FAM168B: variants seen among roughly 807,000 people sequenced by gnomAD.
FAM168B encodes myelin-associated neurite-outgrowth inhibitor.
Under a neutral mutation model 21.8 loss-of-function variants are expected in FAM168B, and 19 were observed. The ratio of observed to expected loss-of-function variants is 0.87; its 90% CI spans 0.61 to 1.28. The LOEUF (loss-of-function observed/expected upper bound fraction) is 1.28. Among genes scored for constraint, FAM168B ranks in the 50% most tolerant of loss-of-function variants. The pLI is 0.00. For synonymous variants in FAM168B, 126 were observed against 104.8 expected (o/e 1.20, Z -1.24); for missense variants, 233 against 263.1 (o/e 0.89, Z 0.79).
intron 1 of FAM168B, among the ~76,000 whole-genome samples, chr2:131,090,184 G>C (rs1174240055): frequency 6.8e-6 from 1 of 147,820 alleles, no homozygotes; most frequent in African/African-American, 2.5e-5. Flanking sequence ...ATCCAGGCAC[G>C]GTGGCAGGCG....
intron 1 of FAM168B, among the ~76,000 whole-genome samples, chr2:131,085,586 C>A (rs1450276208): frequency 1.3e-5 from 2 of 152,212 alleles, no homozygotes; most frequent in African/African-American, 4.8e-5. Flanking sequence ...TATTCACAAC[C>A]AAGCAATCCT....
chr2:131,064,269 A>G (rs1558958245), intron 3 of FAM168B, among the ~76,000 whole-genome samples: 1 of 152,048 alleles, frequency 6.6e-6, no homozygotes, highest in East Asian at 1.9e-4. Flanking sequence ...TACCACGCGG[A>G]TTTTTTTATA....
intron 1 of FAM168B, among the ~76,000 whole-genome samples, chr2:131,090,319 CA>C (rs1179969129): frequency 0.29 from 22,078 of 75,272 alleles, 2,156 homozygotes; most frequent in African/African-American, 0.46. Context: ...ACTCTTGTCT[CA>C]AAAAAAAAAA....
chr2:131,048,688 A>G lies in FAM168B; in HGVS notation c.*3777T>C. Reference sequence around the variant, plus strand: ...TATACTCAAGAGTCTGCTGCCCTTCAGAAAGCCAGAGGGAACACTCACAAA... The same window carrying G: ...TATACTCAAGAGTCTGCTGCCCTTCGGAAAGCCAGAGGGAACACTCACAAA... On this transcript the variant is annotated 3_prime_UTR_variant, in exon 7 of 7. Coordinates refer to ENST00000389915, the MANE Select transcript of FAM168B (RefSeq NM_001009993.4). 1.0e-6 allele frequency: 1 copy of G among 989,256 alleles called. No individual in the cohort carries two copies. The allele number at this position is 989,256 out of a possible 1,614,324, so 61.3% of individuals were successfully genotyped here.
chr2:131,060,454 A>C (rs1458407431), intron 3 of FAM168B, among the ~76,000 whole-genome samples: 1 of 152,272 alleles, frequency 6.6e-6, no homozygotes, highest in Non-Finnish European at 1.5e-5. Flanking sequence ...GTATTAAAAA[A>C]TACAAGGAAG....
chr2:131,065,882 T>A (rs185626179), intron 3 of FAM168B, among the ~76,000 whole-genome samples: 2 of 151,562 alleles, frequency 1.3e-5, no homozygotes, highest in African/African-American at 4.8e-5. Context: ...CATAAACAAG[T>A]ACCAAAACCA....
intron 1 of FAM168B, among the ~76,000 whole-genome samples, chr2:131,089,478 A>G (rs1573829807): frequency 6.6e-6 from 1 of 151,146 alleles, no homozygotes; most frequent in South Asian, 2.1e-4. Flanking sequence ...CACGCCTGTA[A>G]TCCCAGCACT....
At position 131,048,495 on chromosome 2, in the gene FAM168B, A is replaced by G. The variant is rs1428357378; in HGVS notation, c.*3970T>C. On this transcript the variant is annotated 3_prime_UTR_variant, in exon 7 of 7. Transcript: ENST00000389915. ...CAGTCCTGTGGACCAAGATAAGGCT[A>G]TCCCCACAGGCTCTCTCTTCTTCAA... The G allele has an allele frequency of 6.2e-6, 7 of 1,125,326 alleles. No homozygotes were observed. The highest frequency in any genetic ancestry group is 7.8e-6 in the Non-Finnish European group (7 of 898,430). 69.7% of individuals were successfully genotyped at this position (1,125,326 alleles called of 1,614,324 possible).
At position 131,071,908 on chromosome 2, in the gene FAM168B, G is replaced by A. The variant is rs759198691; in HGVS notation, c.101C>T (p.Ala34Val). The change falls in exon 3 of 7, where the codon GCT becomes GTT. Residue 34 changes from alanine to valine, a missense_variant. Coordinates refer to ENST00000389915, the MANE Select transcript of FAM168B (RefSeq NM_001009993.4). ...ATACATGTTAGGAGAATAGGCAGGA[G>A]CTGCTGCTGCATAGCCCATGGGAAA... ...AGFPMGYAAA[A>V]PAYSPNMYPG... 9 of 1,613,932 alleles carry A rather than the reference G, an allele frequency of 5.6e-6. No individual in the cohort carries two copies. In the Admixed American group the frequency reaches 1.5e-4, roughly 27 times the overall value.
chr2:131,070,611 A>G (rs931844227), intron 3 of FAM168B, among the ~76,000 whole-genome samples: 2 of 152,270 alleles, frequency 1.3e-5, no homozygotes, highest in African/African-American at 4.8e-5. Flanking sequence ...AAATATTAAT[A>G]GCATTTTCAT....
At position 131,049,438 on chromosome 2, in the gene FAM168B, G is replaced by C; in HGVS notation, c.*3027C>G. On this transcript the variant is annotated 3_prime_UTR_variant, in exon 7 of 7. Coordinates refer to ENST00000389915, the MANE Select transcript of FAM168B (RefSeq NM_001009993.4). ...AACGTTCTTAACAGATGGCTCACGA[G>C]AGACATAAAAGGTTCTGGAAGTGCC... 1.0e-6 allele frequency: 1 copy of C among 985,372 alleles called. No homozygotes were observed. Among genetic ancestry groups the C allele is most frequent in the Non-Finnish European group, 1.2e-6 (1 of 829,940 alleles). The allele number at this position is 985,372 out of a possible 1,614,324, so 61.0% of individuals were successfully genotyped here.
chr2:131,076,109 C>CT (rs1167327841), intron 2 of FAM168B, among the ~76,000 whole-genome samples: 1 of 152,196 alleles, frequency 6.6e-6, no homozygotes, highest in Non-Finnish European at 1.5e-5. Flanking sequence ...CCCAACACTG[C>CT]TTTAGCTGGT....
At position 131,048,137 on chromosome 2, in the gene FAM168B, C is replaced by G. The variant is rs1236610827; in HGVS notation, c.*4328G>C. ...TGCTGACTTAGCTTAAAAAAAGTAC[C>G]GAGAGAACGGTGTAAAAAACGGTAT... On this transcript the variant is annotated 3_prime_UTR_variant, in exon 7 of 7. Coordinates refer to ENST00000389915, the MANE Select transcript of FAM168B (RefSeq NM_001009993.4). 4.1e-6 allele frequency: 5 copies of G among 1,208,864 alleles called. No individual in the cohort carries two copies. In the East Asian group the frequency reaches 3.0e-4, roughly 72 times the overall value. The allele number at this position is 1,208,864 out of a possible 1,614,324, so 74.9% of individuals were successfully genotyped here.
intron 2 of FAM168B, among the ~76,000 whole-genome samples, chr2:131,075,710 G>C (rs568184736): frequency 1.3e-5 from 2 of 151,924 alleles, no homozygotes; most frequent in Non-Finnish European, 2.9e-5. Flanking sequence ...GGATGGTCTC[G>C]ATCTACATAC....
chr2:131,072,562 G>A (rs905285372), intron 2 of FAM168B, among the ~76,000 whole-genome samples: 40 of 151,996 alleles, frequency 2.6e-4, no homozygotes, highest in African/African-American at 8.5e-4. Flanking sequence ...CGTTTCAAGC[G>A]ATTCTCCTGC....
intron 1 of FAM168B, among the ~76,000 whole-genome samples, chr2:131,089,528 C>A (rs1235020574): frequency 4.0e-5 from 6 of 148,944 alleles, no homozygotes; most frequent in Admixed American, 1.3e-4. Context: ...GTCAGGAGAT[C>A]GAGACCATCC....
At chr2:131,059,268 G>C (rs1220959386) in intron 3 of FAM168B, among the ~76,000 whole-genome samples, 2 of 152,148 alleles carry the variant, frequency 1.3e-5, no homozygotes, top group Admixed American at 6.5e-5. Flanking sequence ...ATGCAGTCTT[G>C]GCAAGCAATG....
intron 2 of FAM168B, among the ~76,000 whole-genome samples, chr2:131,072,881 A>G (rs188913724): frequency 1.3e-5 from 2 of 152,304 alleles, no homozygotes; most frequent in East Asian, 3.9e-4. Context: ...TTCACTGCAC[A>G]AAGTCTGGAA....
At position 131,048,670 on chromosome 2, in the gene FAM168B, A is replaced by T. The variant is rs957560803; in HGVS notation, c.*3795T>A. On this transcript the variant is annotated 3_prime_UTR_variant, in exon 7 of 7. Coordinates refer to ENST00000389915, the MANE Select transcript of FAM168B (RefSeq NM_001009993.4). ...AAAGCATGTCCTCTGCAGTATACTC[A>T]AGAGTCTGCTGCCCTTCAGAAAGCC... 1 of 993,592 alleles carries T rather than the reference A, an allele frequency of 1.0e-6. No individual in the cohort carries two copies. The highest frequency in any genetic ancestry group is 1.7e-5 in the African/African-American group (1 of 57,504). 61.5% of individuals were successfully genotyped at this position (993,592 alleles called of 1,614,324 possible).
Sources: allele counts gnomAD v4.1 joint callset (sites outside exome capture counted in the v4.1 genomes callset), GRCh38; gene constraint gnomAD v4.1.1; transcripts MANE v1.5; gene names NCBI Gene and HGNC (gene_info 2026-07-23, HGNC 2026-07-21).